The following SLC38A3 variants were observed in gnomAD, a reference collection of about 807,000 sequenced individuals.
The protein encoded by SLC38A3 is sodium-coupled neutral amino acid transporter 3.
In SLC38A3, 17 loss-of-function variants were observed where a neutral mutation model predicts 59.5. The observed-to-expected ratio is 0.29, with a 90% CI of 0.20 to 0.43. The LOEUF is 0.43. Ranked by LOEUF, SLC38A3 falls within the 20% of genes least tolerant of loss-of-function variation. SLC38A3 has a pLI of 1.00. For synonymous variants in SLC38A3, 238 were observed against 260.3 expected, an observed-to-expected ratio of 0.91 and a Z score of 0.82; for missense variants, 454 against 653.9, an observed-to-expected ratio of 0.69 and a Z score of 3.33.
At position 50,215,099 on chromosome 3, in the gene SLC38A3, G is replaced by A. The variant is rs1057441955; in HGVS notation, c.300-287G>A. On this transcript the variant is annotated intron_variant, in intron 4 of 15. Coordinates refer to ENST00000614032, the MANE Select transcript of SLC38A3 (RefSeq NM_006841.6). The surrounding 1 kb of genome is among the most constrained non-coding windows in gnomAD (Gnocchi z 7.1). ...GGGGCTCTGCCCTGAAGCCAGAATG[G>A]AAAACATGTTTGTTTCAAGGACTCA... 4.6e-5 allele frequency among the ~76,000 whole-genome samples: 7 copies of A among 152,256 alleles called. No individual in the cohort carries two copies. The highest frequency in any genetic ancestry group is 7.3e-5 in the Non-Finnish European group (5 of 68,046).
chr3:50,220,990 A>G lies in SLC38A3; in HGVS notation c.*813A>G, dbSNP rs1376799715. On this transcript the variant is annotated 3_prime_UTR_variant, in exon 16 of 16. Coordinates refer to ENST00000614032, the MANE Select transcript of SLC38A3 (RefSeq NM_006841.6). ...ATACATAAGACCAGCTGTGTTTTCT[A>G]TTCTTGGTCTCCATGGTCCCTGGAT... 2.6e-5 allele frequency: 4 copies of G among 152,264 alleles called. No homozygotes were observed. The highest frequency in any genetic ancestry group is 7.2e-5 in the African/African-American group (3 of 41,410). 9.4% of individuals were successfully genotyped at this position (152,264 alleles called of 1,614,324 possible). A position where few individuals can be genotyped will look rare whatever the true frequency, so the allele number is the denominator to read the frequency against.
intron 1 of SLC38A3, among the ~76,000 whole-genome samples, chr3:50,210,810 G>T (rs561073531): frequency 1.9e-4 from 29 of 152,270 alleles, no homozygotes; most frequent in African/African-American, 6.5e-4. Flanking sequence ...AATGGCCTGG[G>T]CCATTGATTT....
rs766102260 is a variant in SLC38A3, at chr3:50,218,115, T to A, written c.935+119T>A. 1.8e-6 allele frequency: 2 copies of A among 1,129,902 alleles called. No homozygotes were observed. Among genetic ancestry groups the A allele is most frequent in the Non-Finnish European group, 2.6e-6 (2 of 758,406 alleles). 70.0% of individuals were successfully genotyped at this position (1,129,902 alleles called of 1,614,324 possible). On this transcript the variant is annotated intron_variant, in intron 11 of 15. Coordinates refer to ENST00000614032, the MANE Select transcript of SLC38A3 (RefSeq NM_006841.6). The surrounding 1 kb of genome is among the most constrained non-coding windows in gnomAD (Gnocchi z 5.8). ...GAGCCAAGTCACTTTATCTGAGATGTCCTTGGCAGCCATGAGAGGTGATTA... is the reference window on the plus strand; with the variant it reads ...GAGCCAAGTCACTTTATCTGAGATGACCTTGGCAGCCATGAGAGGTGATTA...
At position 50,217,596 on chromosome 3, in the gene SLC38A3, G is replaced by A; in HGVS notation, c.691-80G>A. Reference sequence around the variant, plus strand: ...GCCAGAAGGCAGCTCCACCAGTCCTGATCTAGATGTGGCTTCATGGTGACT... The same window carrying A: ...GCCAGAAGGCAGCTCCACCAGTCCTAATCTAGATGTGGCTTCATGGTGACT... On this transcript the variant is annotated intron_variant, in intron 9 of 15. Coordinates refer to ENST00000614032, the MANE Select transcript of SLC38A3 (RefSeq NM_006841.6). The surrounding 1 kb of genome is among the most constrained non-coding windows in gnomAD (Gnocchi z 4.9). 6.3e-7 allele frequency: 1 copy of A among 1,590,392 alleles called. No homozygotes were observed.
At position 50,217,178 on chromosome 3, in the gene SLC38A3, A is replaced by C; in HGVS notation, c.549-60A>C. The C allele has an allele frequency of 1.3e-5, 15 of 1,149,050 alleles. No individual in the cohort carries two copies. The highest frequency in any genetic ancestry group is 2.6e-5 in the South Asian group (2 of 76,688). 71.2% of individuals were successfully genotyped at this position (1,149,050 alleles called of 1,614,324 possible). A position where few individuals can be genotyped will look rare whatever the true frequency, so the allele number is the denominator to read the frequency against. The stretch of plus-strand genomic sequence containing the variant: ...ATTGGTAACTCCAGCAGAGGGAGGC[A>C]GGGGCCCCATCCCAGGCTGAATGGA... On this transcript the variant is annotated intron_variant, in intron 7 of 15. Transcript: ENST00000614032. This position sits in a 1 kb window ranked among gnomAD's most constrained non-coding sequence, Gnocchi z 4.9.
intron 1 of SLC38A3, among the ~76,000 whole-genome samples, chr3:50,209,053 G>T (rs1699686072): frequency 6.6e-6 from 1 of 152,200 alleles, no homozygotes; most frequent in Non-Finnish European, 1.5e-5. Flanking sequence ...GCCTCCAGGG[G>T]ATTCCGGGTC....
Position 50,218,584 on chromosome 3 carries a change from CT to C in SLC38A3, c.1037-8del, listed in dbSNP as rs768253420. 4.3e-6 allele frequency: 7 copies of C among 1,611,088 alleles called. No homozygotes were observed. In the African/African-American group the frequency reaches 9.3e-5, roughly 22 times the overall value. On this transcript the variant is annotated splice_polypyrimidine_tract_variant and splice_region_variant and intron_variant, in intron 12 of 15. Coordinates refer to ENST00000614032, the MANE Select transcript of SLC38A3 (RefSeq NM_006841.6). This position sits in a 1 kb window ranked among gnomAD's most constrained non-coding sequence, Gnocchi z 5.8. ...GCCACCTACTGACCACCCTCCCTGC[CT>C]GCCACAGACGGGGTGGAGTCGGAGC...
rs1373069748 is a variant in SLC38A3 at position 50,214,511 on chromosome 3, G to T, written c.183+28G>T. The T allele has an allele frequency of 6.5e-7, 1 of 1,544,314 alleles. No homozygotes were observed. The highest frequency in any genetic ancestry group is 8.8e-7 in the Non-Finnish European group (1 of 1,138,940). On this transcript the variant is annotated intron_variant, in intron 3 of 15. Transcript: ENST00000614032. This position sits in a 1 kb window ranked among gnomAD's most constrained non-coding sequence, Gnocchi z 6.0. ...GAGCAGGGCAGCAACGGGTTTTAGG[G>T]GACACTGTGGGGAGCTTGGATGCAG...
At chr3:50,206,966 G>A (rs1393525143) in intron 1 of SLC38A3, among the ~76,000 whole-genome samples, 3 of 152,242 alleles carry the variant, frequency 2.0e-5, no homozygotes, top group African/African-American at 4.8e-5. Context: ...AGAAACTGAG[G>A]CACAACAAGA....
chr3:50,218,064 C>T lies in SLC38A3; in HGVS notation c.935+68C>T. 1 of 1,487,358 alleles carries T rather than the reference C, an allele frequency of 6.7e-7. No individual in the cohort carries two copies. The highest frequency in any genetic ancestry group is 1.8e-5 in the Admixed American group (1 of 56,298). The allele number at this position is 1,487,358 out of a possible 1,614,324, so 92.1% of individuals were successfully genotyped here. A position where few individuals can be genotyped will look rare whatever the true frequency, so the allele number is the denominator to read the frequency against. On this transcript the variant is annotated intron_variant, in intron 11 of 15. Coordinates refer to ENST00000614032, the MANE Select transcript of SLC38A3 (RefSeq NM_006841.6). This position sits in a 1 kb window ranked among gnomAD's most constrained non-coding sequence, Gnocchi z 5.8. ...CTGGTTTGGGGAGAATGGATGTGGT[C>T]CTGAATGTGGAGAGGGGAGTGACAG...
At chr3:50,219,860 G>C in intron 14 of SLC38A3, 21 bp from the exon 15 acceptor site, 1 of 1,592,782 alleles carries the variant, frequency 6.3e-7, no homozygotes, top group Non-Finnish European at 8.6e-7. Context: ...GCCAGCAGTG[G>C]CCATGTCTTG....
At chr3:50,216,218 G>C (rs2109156174) in intron 7 of SLC38A3, among the ~76,000 whole-genome samples, 1 of 152,364 alleles carries the variant, frequency 6.6e-6, no homozygotes, top group East Asian at 1.9e-4. Context: ...TATCACTTTA[G>C]CCAGCATTGA....
chr3:50,215,464 G>A lies in SLC38A3; in HGVS notation c.373+5G>A. 6.2e-7 allele frequency: 1 copy of A among 1,613,972 alleles called. No homozygotes were observed. Among genetic ancestry groups the A allele is most frequent in the Non-Finnish European group, 8.5e-7 (1 of 1,179,844 alleles). On this transcript the variant is annotated splice_donor_5th_base_variant and intron_variant, in intron 5 of 15. Coordinates refer to ENST00000614032, the MANE Select transcript of SLC38A3 (RefSeq NM_006841.6). This position sits in a 1 kb window ranked among gnomAD's most constrained non-coding sequence, Gnocchi z 7.1. ...TCAAGTCCTCAGGGGTCGTGGGTGA[G>A]CCTCACACCAGCCTGGAATGGGCGG...
intron 1 of SLC38A3, among the ~76,000 whole-genome samples, chr3:50,208,610 G>T (rs1374898704): frequency 1.3e-5 from 2 of 152,130 alleles, no homozygotes; most frequent in African/African-American, 4.8e-5. Context: ...CCTCCATTTG[G>T]CTGTCTCTGA....
intron 7 of SLC38A3, among the ~76,000 whole-genome samples, chr3:50,216,165 GC>G (rs943203894): frequency 1.2e-4 from 18 of 151,910 alleles, no homozygotes; most frequent in East Asian, 5.8e-4. Context: ...CCATGGGGTT[GC>G]CCCCCCCAAC....
Position 50,218,165 on chromosome 3 carries a change from A to T in SLC38A3, c.936-105A>T. 1 of 1,061,804 alleles carries T rather than the reference A, an allele frequency of 9.4e-7. No homozygotes were observed. Among genetic ancestry groups the T allele is most frequent in the South Asian group, 1.3e-5 (1 of 74,824 alleles). 65.8% of individuals were successfully genotyped at this position (1,061,804 alleles called of 1,614,324 possible). A position where few individuals can be genotyped will look rare whatever the true frequency, so the allele number is the denominator to read the frequency against. ...ATGAGCAAGAAGGAGACTCCCTCAG[A>T]TGCTGAATGGTGAAAGTATGGTGCC... On this transcript the variant is annotated intron_variant, in intron 11 of 15. Coordinates refer to ENST00000614032, the MANE Select transcript of SLC38A3 (RefSeq NM_006841.6). The surrounding 1 kb of genome is among the most constrained non-coding windows in gnomAD (Gnocchi z 5.8).
chr3:50,215,832 G>C lies in SLC38A3; in HGVS notation c.548+11G>C. On this transcript the variant is annotated intron_variant, in intron 7 of 15. Coordinates refer to ENST00000614032, the MANE Select transcript of SLC38A3 (RefSeq NM_006841.6). The surrounding 1 kb of genome is among the most constrained non-coding windows in gnomAD (Gnocchi z 7.1). Reference sequence around the variant, plus strand: ...GGAGGAGAAAACCTCGTGAGCCCTGGCGTGGGGAGGGGAGGGGAGGGGTGC... The same window carrying C: ...GGAGGAGAAAACCTCGTGAGCCCTGCCGTGGGGAGGGGAGGGGAGGGGTGC... The C allele has an allele frequency of 6.5e-7, 1 of 1,542,362 alleles. No homozygotes were observed. The highest frequency in any genetic ancestry group is 8.8e-7 in the Non-Finnish European group (1 of 1,137,888).
chr3:50,208,722 G>A (rs183506717), intron 1 of SLC38A3, among the ~76,000 whole-genome samples: 33 of 152,308 alleles, frequency 2.2e-4, no homozygotes, highest in African/African-American at 7.5e-4. Flanking sequence ...TTGTCTGTGT[G>A]TTTTTCTGTC....
Position 50,218,101 on chromosome 3 carries a change from CT to C in SLC38A3, c.935+108del. ...GAGGGGAGTGACAGGAGCCAAGTCA[CT>C]TTATCTGAGATGTCCTTGGCAGCCA... is the stretch of plus-strand genomic sequence containing the variant. On this transcript the variant is annotated intron_variant, in intron 11 of 15. Transcript: ENST00000614032. The surrounding 1 kb of genome is among the most constrained non-coding windows in gnomAD (Gnocchi z 5.8). The C allele has an allele frequency of 8.1e-7, 1 of 1,233,424 alleles. No individual in the cohort carries two copies. Among genetic ancestry groups the C allele is most frequent in the Non-Finnish European group, 1.2e-6 (1 of 850,490 alleles). The allele number at this position is 1,233,424 out of a possible 1,614,324, so 76.4% of individuals were successfully genotyped here.
Sources: allele counts gnomAD v4.1 joint callset (sites outside exome capture counted in the v4.1 genomes callset), GRCh38; gene constraint gnomAD v4.1.1; non-coding constraint Gnocchi (gnomAD v3.1); transcripts MANE v1.5; gene names NCBI Gene and HGNC (gene_info 2026-07-23, HGNC 2026-07-21).